PTPRK: variants seen among roughly 807,000 people sequenced by gnomAD.
PTPRK encodes the protein protein tyrosine phosphatase receptor type K.
A neutral mutation model predicts 178.0 loss-of-function variants in PTPRK; 75 were observed. The observed-to-expected ratio is 0.42, with a 90% CI of 0.35 to 0.51. PTPRK has a LOEUF of 0.51. Ranked by LOEUF, PTPRK falls within the 20% of genes least tolerant of loss-of-function variation. The probability of loss-of-function intolerance (pLI) is 0.02; values close to 1 mark genes in which losing one functional copy is unlikely to be tolerated. For missense variants in PTPRK, 1,441 were observed against 1,797.8 expected (o/e 0.80, Z 3.59); for synonymous variants, 637 against 620.6 (o/e 1.03, Z -0.39).
intron 6 of PTPRK, among the ~76,000 whole-genome samples, chr6:128,209,056 T>C (rs1378796211): frequency 6.6e-6 from 1 of 152,072 alleles, no homozygotes; most frequent in Non-Finnish European, 1.5e-5. Context: ...CTCTCATCCT[T>C]GACTCATTCT....
chr6:128,484,664 A>T (rs1852560873), intron 1 of PTPRK, among the ~76,000 whole-genome samples: 1 of 152,178 alleles, frequency 6.6e-6, no homozygotes. Flanking sequence ...GTCACTTGTA[A>T]ATTTTGTTAA....
At chr6:128,028,477 C>T (rs551454054) in intron 13 of PTPRK, among the ~76,000 whole-genome samples, 3 of 152,316 alleles carry the variant, frequency 2.0e-5, no homozygotes, top group African/African-American at 7.2e-5. Flanking sequence ...AGCCTAATTT[C>T]TTACTAACTC....
chr6:128,032,016 G>A (rs1173830717), intron 13 of PTPRK, among the ~76,000 whole-genome samples: 3 of 152,176 alleles, frequency 2.0e-5, no homozygotes, highest in African/African-American at 7.2e-5. Flanking sequence ...AGTCACAACA[G>A]CAAGGACTTG....
At chr6:128,234,838 C>G (rs1293988668) in intron 5 of PTPRK, among the ~76,000 whole-genome samples, 1 of 152,168 alleles carries the variant, frequency 6.6e-6, no homozygotes. Flanking sequence ...TGGGCAAATA[C>G]TTAGGAATGG....
intron 1 of PTPRK, among the ~76,000 whole-genome samples, chr6:128,415,146 C>CA (rs1336763471): frequency 3.9e-5 from 6 of 152,152 alleles, no homozygotes; most frequent in Admixed American, 6.5e-5. Context: ...GGAAGTATTA[C>CA]AAAATCACAC....
At chr6:128,437,624 G>C (rs927927198) in intron 1 of PTPRK, among the ~76,000 whole-genome samples, 1 of 152,140 alleles carries the variant, frequency 6.6e-6, no homozygotes, top group African/African-American at 2.4e-5. Context: ...CGATTATTTA[G>C]GCGGTAATTA....
chr6:128,165,702 A>G (rs923043813), intron 7 of PTPRK, among the ~76,000 whole-genome samples: 4 of 151,336 alleles, frequency 2.6e-5, no homozygotes, highest in Non-Finnish European at 5.9e-5. Context: ...CCTCATTACA[A>G]ATTTTCAAAT....
At chr6:128,366,713 C>A (rs1835541290) in intron 2 of PTPRK, among the ~76,000 whole-genome samples, 1 of 152,222 alleles carries the variant, frequency 6.6e-6, no homozygotes, top group African/African-American at 2.4e-5. Context: ...TAATAACACA[C>A]AATGAGGATG....
intron 6 of PTPRK, 51 bp downstream of exon 6, chr6:128,218,871 T>G: frequency 6.8e-7 from 1 of 1,464,484 alleles, no homozygotes; most frequent in South Asian, 1.3e-5. Context: ...GAGTTGCTTT[T>G]GTTCTAATAA....
rs1439357792 is a variant in PTPRK, at chr6:127,990,679, A to T, written c.3096+90T>A. The T allele has an allele frequency of 7.6e-6, 6 of 791,172 alleles. No homozygotes were observed. In the African/African-American group the frequency reaches 1.0e-4, roughly 14 times the overall value. 49.0% of individuals were successfully genotyped at this position (791,172 alleles called of 1,614,324 possible). A position where few individuals can be genotyped will look rare whatever the true frequency, so the allele number is the denominator to read the frequency against. ...ATGAATACATGAATGAATGGATTTT[A>T]TAGCATCATCAAAACAGAACTTGGC... On this transcript the variant is annotated intron_variant, in intron 21 of 29. Coordinates refer to ENST00000368226, the MANE Select transcript of PTPRK (RefSeq NM_002844.4).
chr6:128,099,643 C>G (rs959066578), intron 7 of PTPRK, among the ~76,000 whole-genome samples: 1 of 151,960 alleles, frequency 6.6e-6, no homozygotes, highest in Non-Finnish European at 1.5e-5. Flanking sequence ...GTCAGCATGA[C>G]TATTGATACA....
chr6:128,444,769 G>A (rs1846721552), intron 1 of PTPRK, among the ~76,000 whole-genome samples: 1 of 152,108 alleles, frequency 6.6e-6, no homozygotes, highest in South Asian at 2.1e-4. Flanking sequence ...GCTTCCTAAG[G>A]AGCTTGTTGC....
intron 7 of PTPRK, among the ~76,000 whole-genome samples, chr6:128,181,667 T>C (rs533696342): frequency 6.6e-5 from 10 of 152,244 alleles, no homozygotes; most frequent in African/African-American, 2.4e-4. Flanking sequence ...AATATCATAG[T>C]TAACATAAAC....
At chr6:128,169,381 GA>G (rs1174635349) in intron 7 of PTPRK, among the ~76,000 whole-genome samples, 1 of 151,040 alleles carries the variant, frequency 6.6e-6, no homozygotes, top group Non-Finnish European at 1.5e-5. Context: ...ATTTTTAAAA[GA>G]AAAAAAACAA....
rs146352612 is a variant in PTPRK, at chr6:128,092,923, T to C, written c.1163-2931A>G. ...CATAGAATAACCGAAAGCAAAAAGATATTGTTTGGAAACCACTGATATTTA... is the reference window on the plus strand; with the variant it reads ...CATAGAATAACCGAAAGCAAAAAGACATTGTTTGGAAACCACTGATATTTA... On this transcript the variant is annotated intron_variant, in intron 7 of 29. Transcript: ENST00000368226. 4.5e-3 allele frequency among the ~76,000 whole-genome samples: 680 copies of C among 152,336 alleles called. 4 individuals are homozygous for C. The highest frequency in any genetic ancestry group is 0.016 in the African/African-American group (650 of 41,580).
At chr6:128,245,227 A>C (rs759256992) in intron 3 of PTPRK, among the ~76,000 whole-genome samples, 7 of 152,126 alleles carry the variant, frequency 4.6e-5, no homozygotes, top group Non-Finnish European at 8.8e-5. Context: ...TCCTGCCTCT[A>C]GGTTGCTTTT....
intron 1 of PTPRK, among the ~76,000 whole-genome samples, chr6:128,494,677 T>C (rs1854396898): frequency 2.0e-5 from 3 of 152,252 alleles, no homozygotes; most frequent in South Asian, 4.1e-4. Flanking sequence ...ATTACAACAC[T>C]TCAATGGAAG....
At chr6:128,303,471 G>A (rs893061217) in intron 3 of PTPRK, among the ~76,000 whole-genome samples, 2 of 152,152 alleles carry the variant, frequency 1.3e-5, no homozygotes, top group African/African-American at 2.4e-5. Flanking sequence ...GATCATATCC[G>A]TTAGTGTATT....
At chr6:128,116,617 A>C (rs1356225600) in intron 7 of PTPRK, among the ~76,000 whole-genome samples, 1 of 152,224 alleles carries the variant, frequency 6.6e-6, no homozygotes, top group Non-Finnish European at 1.5e-5. Flanking sequence ...CCCTATACCT[A>C]TATCAGCAAT....
Sources: gnomAD v4.1 joint callset for allele counts (sites outside exome capture counted in the v4.1 genomes callset) on GRCh38, gnomAD v4.1.1 for gene constraint, MANE v1.5 for transcripts, NCBI Gene and HGNC (gene_info 2026-07-23, HGNC 2026-07-21) for gene names.